Variants in PCDHA1 observed in about 807,000 individuals in gnomAD.
The protein encoded by PCDHA1 is protocadherin alpha-1.
A neutral mutation model predicts 61.3 loss-of-function variants in PCDHA1; 42 were observed. The observed-to-expected ratio is 0.69, with a 90% CI of 0.54 to 0.89. PCDHA1 has a LOEUF of 0.89. Ranked by LOEUF, PCDHA1 falls within the 40% of genes least tolerant of loss-of-function variation. The pLI is 0.00. For synonymous variants in PCDHA1, 610 were observed against 553.8 expected, an observed-to-expected ratio of 1.10 and a Z score of -1.43; for missense variants, 1,256 against 1,235.3, an observed-to-expected ratio of 1.02 and a Z score of -0.25.
chr5:140,934,926 G>A lies in PCDHA1; in HGVS notation c.2395-44023G>A, dbSNP rs1054459840. Among the ~76,000 whole-genome samples, 3 of 152,116 alleles carry A rather than the reference G, an allele frequency of 2.0e-5. No homozygotes were observed. In the East Asian group the frequency reaches 5.8e-4, roughly 29 times the overall value. On this transcript the variant is annotated intron_variant, in intron 1 of 3. Transcript: ENST00000504120. ...TGGAATAATTATGGATTCACATAAA[G>A]TTACAAAACTAGTATAGAGAGATCC...
intron 1 of PCDHA1, chr5:140,841,738 G>A (rs2150321831): frequency 1.9e-6 from 3 of 1,613,784 alleles, no homozygotes; most frequent in South Asian, 1.1e-5. Context: ...AAGACCAAAA[G>A]CTGTTTGTTT....
chr5:140,952,221 C>T (rs991982346), intron 1 of PCDHA1, among the ~76,000 whole-genome samples: 1 of 151,940 alleles, frequency 6.6e-6, no homozygotes, highest in Non-Finnish European at 1.5e-5. Flanking sequence ...TTTCCAGGCA[C>T]AGTGTGCAAG....
At chr5:140,941,255 C>CTCTT (rs1554214207) in intron 1 of PCDHA1, among the ~76,000 whole-genome samples, 2 of 44,508 alleles carry the variant, frequency 4.5e-5, no homozygotes, top group African/African-American at 1.4e-4. Context: ...TTCTTTCTTT[C>CTCTT]TCTTTCTTTC....
At chr5:140,927,525 T>C in intron 1 of PCDHA1, 1 of 1,614,088 alleles carries the variant, frequency 6.2e-7, no homozygotes, top group Non-Finnish European at 8.5e-7. Context: ...GCGGGCTACC[T>C]GCCCGCTCAG....
intron 3 of PCDHA1, among the ~76,000 whole-genome samples, chr5:140,985,246 T>C (rs2097143888): frequency 6.6e-6 from 1 of 152,110 alleles, no homozygotes; most frequent in African/African-American, 2.4e-5. Flanking sequence ...CTAATCTTCT[T>C]ACTCTTTTTT....
intron 3 of PCDHA1, among the ~76,000 whole-genome samples, chr5:141,003,288 T>C (rs2098118136): frequency 2.0e-5 from 3 of 152,182 alleles, no homozygotes; most frequent in African/African-American, 7.2e-5. Context: ...AATTGGATTA[T>C]AGGATTACAT....
chr5:140,948,464 G>A (rs1357759863), intron 1 of PCDHA1, among the ~76,000 whole-genome samples: 1 of 151,508 alleles, frequency 6.6e-6, no homozygotes, highest in Non-Finnish European at 1.5e-5. Flanking sequence ...TTTAGGGAAA[G>A]TTTCTGATAA....
At chr5:140,986,511 C>T (rs181646630) in intron 3 of PCDHA1, among the ~76,000 whole-genome samples, 76 of 152,288 alleles carry the variant, frequency 5.0e-4, no homozygotes, top group African/African-American at 1.8e-3. Context: ...AAGGACTGCC[C>T]CTGCCTGTGA....
chr5:140,856,831 A>G, intron 1 of PCDHA1: 1 of 1,591,946 alleles, frequency 6.3e-7, no homozygotes, highest in African/African-American at 1.3e-5. Flanking sequence ...CATTAGTAAT[A>G]CGGCTCAACG....
At chr5:140,907,144 G>A (rs1006725502) in intron 1 of PCDHA1, among the ~76,000 whole-genome samples, 17 of 152,104 alleles carry the variant, frequency 1.1e-4, no homozygotes, top group Non-Finnish European at 2.4e-4. Flanking sequence ...CCGGCTATGG[G>A]AGAAACAGTA....
At chr5:140,848,358 G>T in intron 1 of PCDHA1, 1 of 1,051,266 alleles carries the variant, frequency 9.5e-7, no homozygotes, top group Non-Finnish European at 1.4e-6. Context: ...CTTTTCCCAT[G>T]GGAAAGAGGC....
intron 1 of PCDHA1, chr5:140,868,979 C>A: frequency 6.7e-7 from 1 of 1,485,290 alleles, no homozygotes; most frequent in Non-Finnish European, 9.0e-7. Context: ...TCCATCATAC[C>A]GGATGCCACC....
chr5:140,939,812 A>T (rs1277082652), intron 1 of PCDHA1, among the ~76,000 whole-genome samples: 4 of 152,196 alleles, frequency 2.6e-5, no homozygotes, highest in Non-Finnish European at 2.9e-5. Flanking sequence ...ATGTTCAAGA[A>T]AAAGCAGTAT....
chr5:140,839,527 C>T (rs1390318368), intron 1 of PCDHA1, among the ~76,000 whole-genome samples: 1 of 151,932 alleles, frequency 6.6e-6, no homozygotes. Context: ...GTTGCTGGGA[C>T]TATAGGCACA....
At chr5:140,877,388 A>G (rs1186041410) in intron 1 of PCDHA1, 14 of 1,613,802 alleles carry the variant, frequency 8.7e-6, no homozygotes, top group Non-Finnish European at 1.2e-5. Flanking sequence ...ATCCTGGATG[A>G]GGCGGACGCT....
intron 1 of PCDHA1, chr5:140,825,468 A>G (rs1470397063): frequency 1.3e-5 from 2 of 149,758 alleles, no homozygotes; most frequent in Non-Finnish European, 3.0e-5. Context: ...TTGATACAGA[A>G]TTTTGCTCTT....
chr5:140,849,289 A>G, intron 1 of PCDHA1: 1 of 1,220,472 alleles, frequency 8.2e-7, no homozygotes, highest in Non-Finnish European at 1.1e-6. Context: ...ATTCACCCCA[A>G]TGCCTCAGAT....
rs2150109199 is a variant in PCDHA1, at chr5:140,821,298, T to C, written c.2394+32614T>C. On this transcript the variant is annotated intron_variant, in intron 1 of 3. Coordinates refer to ENST00000504120, the MANE Select transcript of PCDHA1 (RefSeq NM_018900.4). ...TTGGAAATATATAAACTCCTCCCTATATAAAATACACCAGCACAAATTTCT... is the reference window on the plus strand; with the variant it reads ...TTGGAAATATATAAACTCCTCCCTACATAAAATACACCAGCACAAATTTCT... 7.9e-5 allele frequency among the ~76,000 whole-genome samples: 12 copies of C among 152,314 alleles called. No individual in the cohort carries two copies. In the South Asian group the frequency reaches 2.3e-3, roughly 29 times the overall value.
intron 1 of PCDHA1, chr5:140,795,138 G>A: frequency 6.2e-7 from 1 of 1,614,062 alleles, no homozygotes; most frequent in African/African-American, 1.3e-5. Context: ...AGCTGGAGGA[G>A]CTGGTGCCGC....
Sources: allele counts gnomAD v4.1 joint callset (sites outside exome capture counted in the v4.1 genomes callset), GRCh38; gene constraint gnomAD v4.1.1; transcripts MANE v1.5; gene names NCBI Gene and HGNC (gene_info 2026-07-23, HGNC 2026-07-21).